DCHS2: variants seen among roughly 807,000 people sequenced by gnomAD.
The protein encoded by DCHS2 is protocadherin-23.
In DCHS2, 142 loss-of-function variants were observed where a neutral mutation model predicts 182.4. That is an observed-to-expected ratio of 0.78 (90% CI 0.68 to 0.89). The LOEUF (loss-of-function observed/expected upper bound fraction) is 0.89, where lower values mean the gene tolerates loss of function less well. DCHS2 is among the 40% of genes least tolerant of loss of function. The pLI is 0.00. For missense variants in DCHS2, 4,319 were observed against 4,198.6 expected (o/e 1.03, Z -0.79); for synonymous variants, 1,740 against 1,663.3 (o/e 1.05, Z -1.12).
chr4:154,371,581 T>C (rs926214584), intron 2 of DCHS2, among the ~76,000 whole-genome samples: 1 of 151,948 alleles, frequency 6.6e-6, no homozygotes, highest in Non-Finnish European at 1.5e-5. Context: ...CACATTGCTA[T>C]AAAAAAAGAA....
intron 1 of DCHS2, among the ~76,000 whole-genome samples, chr4:154,450,264 G>C (rs1263649897): frequency 6.6e-6 from 1 of 152,196 alleles, no homozygotes; most frequent in Non-Finnish European, 1.5e-5. Flanking sequence ...ATAGAAAGGG[G>C]ACGAGGGACT....
At chr4:154,343,491 T>A in intron 3 of DCHS2, 1 of 1,462,756 alleles carries the variant, frequency 6.8e-7, no homozygotes, top group South Asian at 1.6e-5. Context: ...CTTAGCTAGA[T>A]TTGCTACATA....
intron 1 of DCHS2, among the ~76,000 whole-genome samples, chr4:154,486,086 C>T (rs1345677421): frequency 6.6e-6 from 1 of 152,182 alleles, no homozygotes; most frequent in East Asian, 1.9e-4. Flanking sequence ...AGGCTGTCCA[C>T]CTGAGACAGG....
At chr4:154,348,285 A>G (rs542592244) in intron 3 of DCHS2, among the ~76,000 whole-genome samples, 1 of 152,134 alleles carries the variant, frequency 6.6e-6, no homozygotes, top group Admixed American at 6.5e-5. Flanking sequence ...ATTCAGTTTA[A>G]AGGAAATAAT....
intron 9 of DCHS2, among the ~76,000 whole-genome samples, chr4:154,319,423 A>G (rs1408375746): frequency 6.6e-6 from 1 of 151,976 alleles, no homozygotes; most frequent in Non-Finnish European, 1.5e-5. Flanking sequence ...TTTGTAAATC[A>G]TCTATCTGAT....
At chr4:154,417,194 TGTGTGTGTGTGAGAGAGAGAGAGAGA>T (rs1231457792) in intron 1 of DCHS2, among the ~76,000 whole-genome samples, 4 of 91,514 alleles carry the variant, frequency 4.4e-5, no homozygotes, top group Non-Finnish European at 9.2e-5. Context: ...TGTGTGTGTG[TGTGTGTGTGTGAGAGAGAGAGAGAGA>T]GAGAGAGAGA....
intron 1 of DCHS2, among the ~76,000 whole-genome samples, chr4:154,435,323 G>A (rs758365431): frequency 2.7e-4 from 41 of 152,248 alleles, no homozygotes; most frequent in African/African-American, 4.3e-4. Context: ...ATGGCTGGGC[G>A]CGGTGGCTCA....
intron 1 of DCHS2, among the ~76,000 whole-genome samples, chr4:154,402,056 C>A (rs141476876): frequency 5.9e-5 from 9 of 152,316 alleles, no homozygotes; most frequent in African/African-American, 1.7e-4. Context: ...GGTCTATAAG[C>A]AATCTCAAAT....
intron 13 of DCHS2, among the ~76,000 whole-genome samples, chr4:154,290,045 TA>T (rs1041063155): frequency 6.6e-6 from 1 of 152,056 alleles, no homozygotes; most frequent in Non-Finnish European, 1.5e-5. Flanking sequence ...TGGAAAAACC[TA>T]AAGACTCCTC....
chr4:154,247,140 C>A (rs1324463069), intron 16 of DCHS2, among the ~76,000 whole-genome samples: 1 of 152,110 alleles, frequency 6.6e-6, no homozygotes, highest in South Asian at 2.1e-4. Flanking sequence ...TAAGTATAAC[C>A]TATAAATTTC....
intron 1 of DCHS2, among the ~76,000 whole-genome samples, chr4:154,474,555 A>G (rs1293959701): frequency 6.6e-6 from 1 of 151,964 alleles, no homozygotes; most frequent in Non-Finnish European, 1.5e-5. Flanking sequence ...ACCTTCCTCT[A>G]CGCCCGACCC....
At chr4:154,349,361 T>G (rs898759199) in intron 3 of DCHS2, among the ~76,000 whole-genome samples, 1 of 152,202 alleles carries the variant, frequency 6.6e-6, no homozygotes. Context: ...GAAGGTCAAA[T>G]AGACAACTTC....
intron 1 of DCHS2, among the ~76,000 whole-genome samples, chr4:154,384,162 C>T (rs746729569): frequency 6.6e-6 from 1 of 152,140 alleles, no homozygotes; most frequent in Non-Finnish European, 1.5e-5. Context: ...AGCATTGGGG[C>T]CCACAACTAA....
At chr4:154,369,280 A>T (rs1425356965) in intron 2 of DCHS2, among the ~76,000 whole-genome samples, 17 of 152,218 alleles carry the variant, frequency 1.1e-4, no homozygotes, top group Admixed American at 1.1e-3. Context: ...AGTTAAGTGG[A>T]TGCATTCTAT....
chr4:154,460,508 A>G (rs1018211641), intron 1 of DCHS2, among the ~76,000 whole-genome samples: 3 of 152,178 alleles, frequency 2.0e-5, no homozygotes. Context: ...TAGTAACAGG[A>G]CTGACCTCAT....
In DCHS2 at chr4:154,304,791, T is replaced by C. The variant is rs770751269; in HGVS notation, c.5483A>G (p.Glu1828Gly). The C allele has an allele frequency of 3.7e-6, 6 of 1,613,800 alleles. No homozygotes were observed. The highest frequency in any genetic ancestry group is 3.4e-6 in the Non-Finnish European group (4 of 1,179,930). The part of the protein sequence containing the change: ...TVEDENDHAP[E>G]FIVSSYDIEV... ...AATGTCATAACTGGAAACAATAAAC[T>C]CTGGTGCGTGATCGTTTTCATCTTC... is the stretch of plus-strand genomic sequence containing the variant. Residue 1828 changes from glutamate (E) to glycine (G), a missense_variant, in exon 12 of 20, where the codon GAG becomes GGG. Transcript: ENST00000357232.
intron 13 of DCHS2, among the ~76,000 whole-genome samples, chr4:154,270,739 G>T (rs1161414282): frequency 1.3e-5 from 2 of 151,600 alleles, no homozygotes; most frequent in African/African-American, 4.8e-5. Flanking sequence ...AGGACTGTGG[G>T]ATGGGAGATG....
intron 1 of DCHS2, among the ~76,000 whole-genome samples, chr4:154,433,381 G>GT (rs371333630): frequency 0.48 from 60,271 of 126,314 alleles, 15,845 homozygotes; most frequent in Middle Eastern, 0.63. Context: ...CAAATAACTA[G>GT]TTTTTTTTTT....
chr4:154,337,306 G>T (rs1257687009), intron 3 of DCHS2, among the ~76,000 whole-genome samples: 1 of 152,092 alleles, frequency 6.6e-6, no homozygotes, highest in African/African-American at 2.4e-5. Context: ...CGATTACAGA[G>T]AAATTTTAAA....
Sources: gnomAD v4.1 joint callset for allele counts (sites outside exome capture counted in the v4.1 genomes callset) on GRCh38, gnomAD v4.1.1 for gene constraint, MANE v1.5 for transcripts, NCBI Gene and HGNC (gene_info 2026-07-23, HGNC 2026-07-21) for gene names.